The following USH2A variants were observed in gnomAD, a reference collection of about 807,000 sequenced individuals.
USH2A encodes Usher syndrome 2A (autosomal recessive, mild).
Under a neutral mutation model 538.9 loss-of-function variants are expected in USH2A, and 443 were observed. That is an observed-to-expected ratio of 0.82 (90% CI 0.76 to 0.89). USH2A has a LOEUF of 0.89. Among genes scored for constraint, USH2A ranks in the 40% least tolerant of loss-of-function variants. The pLI, the probability that USH2A is intolerant of heterozygous loss-of-function variation, is 0.00. For synonymous variants in USH2A, 2,413 were observed against 2,273.5 expected (o/e 1.06, Z -1.75); for missense variants, 6,633 against 6,324.8 (o/e 1.05, Z -1.65).
At chr1:215,850,372 C>T (rs1045085380) in intron 44 of USH2A, among the ~76,000 whole-genome samples, 3 of 152,042 alleles carry the variant, frequency 2.0e-5, no homozygotes, top group South Asian at 2.1e-4. Context: ...CTAGAACTCC[C>T]TAATACCAAC....
intron 21 of USH2A, among the ~76,000 whole-genome samples, chr1:216,115,001 C>T (rs949024984): frequency 1.1e-4 from 17 of 151,632 alleles, no homozygotes; most frequent in East Asian, 7.7e-4. Context: ...TATCTGTATC[C>T]GTATGTATAG....
chr1:215,636,499 G>A (rs930693896), intron 69 of USH2A, among the ~76,000 whole-genome samples: 8 of 152,204 alleles, frequency 5.3e-5, no homozygotes, highest in African/African-American at 1.9e-4. Context: ...AATGTGTGTT[G>A]TTTGATTAAA....
chr1:215,773,881 T>C (rs943086628), intron 55 of USH2A, among the ~76,000 whole-genome samples: 11 of 152,184 alleles, frequency 7.2e-5, no homozygotes, highest in African/African-American at 1.2e-4. Context: ...AAAACTGGTA[T>C]ACAAAGGCAT....
Position 215,655,491 on chromosome 1 carries a change from C to T in USH2A, c.14134-4690G>A, listed in dbSNP as rs139950279. Among the ~76,000 whole-genome samples the T allele has an allele frequency of 4.2e-3, 646 of 152,236 alleles. 7 individuals carry two copies. Among genetic ancestry groups the T allele is most frequent in the African/African-American group, 0.015 (627 of 41,536 alleles). ...GAAATTGCTGAGTCTATTTTTCTCT[C>T]AGTGCAGAGTAACATTATTCTAAAT... On this transcript the variant is annotated intron_variant, in intron 64 of 71. Transcript: ENST00000307340.
chr1:215,942,771 T>C (rs1267924818), intron 37 of USH2A, among the ~76,000 whole-genome samples: 1 of 151,472 alleles, frequency 6.6e-6, no homozygotes, highest in African/African-American at 2.4e-5. Flanking sequence ...GAGGAAGGAG[T>C]ATAAGCCAAA....
At chr1:216,287,103 A>C (rs2036900957) in intron 11 of USH2A, among the ~76,000 whole-genome samples, 2 of 152,226 alleles carry the variant, frequency 1.3e-5, no homozygotes, top group Admixed American at 1.3e-4. Flanking sequence ...AAAGACACAC[A>C]CAAAGGTGGT....
chr1:216,046,476 C>T lies in USH2A; in HGVS notation c.6280G>A (p.Gly2094Arg). The T allele has an allele frequency of 6.2e-7, 1 of 1,613,776 alleles. No individual in the cohort carries two copies. Among genetic ancestry groups the T allele is most frequent in the Non-Finnish European group, 8.5e-7 (1 of 1,179,772 alleles). Residue 2094 changes from glycine to arginine, a missense_variant, in exon 32 of 72, where the codon GGG becomes AGG. Coordinates refer to ENST00000307340, the MANE Select transcript of USH2A (RefSeq NM_206933.4). ...TCACTGCCTGAATAGATCAGCCTCC[C>T]ATCCATGTATAAACAGTACTGAGTT... ...IITQYCLYMD[G>R]RLIYSGSEEN... is the part of the protein sequence containing the mutation.
Position 215,634,622 on chromosome 1 carries a change from A to G in USH2A, c.15134T>C (p.Val5045Ala), listed in dbSNP as rs1260794559. The change falls in exon 70 of 72, where the codon GTG (valine) becomes GCG (alanine). Residue 5045 changes from valine (V) to alanine (A), a missense_variant. Val to Ala is a moderately conservative substitution (Grantham distance 64). Coordinates refer to ENST00000307340, the MANE Select transcript of USH2A (RefSeq NM_206933.4). Reference protein sequence around the residue: ...TEFYSELWFIVLMAMLGLILL... With the variant: ...TEFYSELWFIALMAMLGLILL... ...GATCAAGCCCAGCATCGCCATTAACACTATGAACCACAGCTCGCTGTAGAA... is the reference window on the plus strand; with the variant it reads ...GATCAAGCCCAGCATCGCCATTAACGCTATGAACCACAGCTCGCTGTAGAA... 3 of 1,614,214 alleles carry G rather than the reference A, an allele frequency of 1.9e-6. No individual in the cohort carries two copies. The East Asian group carries it at 6.7e-5, about 36-fold the overall frequency.
chr1:215,902,320 C>G (rs944279175), intron 38 of USH2A, among the ~76,000 whole-genome samples: 4 of 152,100 alleles, frequency 2.6e-5, no homozygotes, highest in African/African-American at 9.7e-5. Flanking sequence ...AATGAATGAC[C>G]AGTGATGAGA....
intron 38 of USH2A, among the ~76,000 whole-genome samples, chr1:215,924,483 A>T (rs556904591): frequency 6.6e-6 from 1 of 152,128 alleles, no homozygotes; most frequent in African/African-American, 2.4e-5. Context: ...CAGTTTGTCT[A>T]TGAAAAAATG....
intron 55 of USH2A, among the ~76,000 whole-genome samples, chr1:215,774,284 G>A (rs541974718): frequency 1.2e-4 from 18 of 152,002 alleles, no homozygotes; most frequent in African/African-American, 4.1e-4. Context: ...CCATAGCTTA[G>A]GCCCCTCTCT....
At chr1:216,222,018 T>C (rs983080073) in intron 14 of USH2A, among the ~76,000 whole-genome samples, 1 of 152,224 alleles carries the variant, frequency 6.6e-6, no homozygotes. Context: ...TTCCATGTTT[T>C]GGAGCAGAAG....
At chr1:216,116,144 T>C (rs1217055048) in intron 21 of USH2A, among the ~76,000 whole-genome samples, 1 of 151,692 alleles carries the variant, frequency 6.6e-6, no homozygotes, top group Admixed American at 6.6e-5. Context: ...AACACATTAG[T>C]TCTAGTTTCA....
chr1:216,327,857 T>C (rs1571706458), intron 4 of USH2A, among the ~76,000 whole-genome samples: 1 of 152,150 alleles, frequency 6.6e-6, no homozygotes, highest in Non-Finnish European at 1.5e-5. Flanking sequence ...CCATGGACAC[T>C]GTAGGACTTA....
chr1:216,343,571 T>G (rs1358381528), intron 4 of USH2A, among the ~76,000 whole-genome samples: 2 of 149,826 alleles, frequency 1.3e-5, no homozygotes, highest in African/African-American at 4.9e-5. Context: ...CATTAATAGA[T>G]TTATATATGT....
intron 14 of USH2A, among the ~76,000 whole-genome samples, chr1:216,228,412 C>T (rs989627998): frequency 7.2e-5 from 11 of 152,232 alleles, no homozygotes; most frequent in Middle Eastern, 3.4e-3. Flanking sequence ...GCTGTGTCCC[C>T]ACCCAAATCT....
At chr1:215,967,748 C>CAAAAAA (rs112172077) in intron 36 of USH2A, among the ~76,000 whole-genome samples, 1 of 143,962 alleles carries the variant, frequency 6.9e-6, no homozygotes, top group African/African-American at 2.5e-5. Context: ...TGCTTCTTTG[C>CAAAAAA]AAAAAAAAAA....
In USH2A at chr1:216,048,611, G is replaced by A. The variant is rs898351672; in HGVS notation, c.6086C>T (p.Ala2029Val). 6.2e-7 allele frequency: 1 copy of A among 1,614,076 alleles called. No homozygotes were observed. Among genetic ancestry groups the A allele is most frequent in the Non-Finnish European group, 8.5e-7 (1 of 1,179,976 alleles). Reference protein sequence around the residue: ...LTGLLPFKNYAVTLTACTLAG... With the variant: ...LTGLLPFKNYVVTLTACTLAG... ...CAAAGTGCAAGCAGTTAGGGTTACT[G>A]CATAGTTTTTGAAGGGTAGCAAGCC... is the stretch of plus-strand genomic sequence containing the variant. Residue 2029 changes from alanine (A) to valine (V), a missense_variant, in exon 31 of 72, where the codon GCA becomes GTA. By Grantham distance (64) the Ala-to-Val change is moderately conservative. Transcript: ENST00000307340.
chr1:215,889,710 A>T (rs2102461228), intron 40 of USH2A, among the ~76,000 whole-genome samples: 1 of 152,264 alleles, frequency 6.6e-6, no homozygotes, highest in South Asian at 2.1e-4. Flanking sequence ...TGCTCCACTC[A>T]GCACTCTAAC....
Sources: gnomAD v4.1 joint callset for allele counts (sites outside exome capture counted in the v4.1 genomes callset) on GRCh38, gnomAD v4.1.1 for gene constraint, MANE v1.5 for transcripts, NCBI Gene and HGNC (gene_info 2026-07-23, HGNC 2026-07-21) for gene names.